The following ARHGAP10 variants were observed in gnomAD, a reference collection of about 807,000 sequenced individuals.
ARHGAP10 encodes Rho GTPase activating protein 10, also known as rho GTPase-activating protein 10.
A neutral mutation model predicts 108.6 loss-of-function variants in ARHGAP10; 87 were observed. The ratio of observed to expected loss-of-function variants is 0.80; its 90% CI spans 0.67 to 0.96. ARHGAP10 has a LOEUF of 0.96. Ranked by LOEUF, ARHGAP10 falls within the 40% of genes least tolerant of loss-of-function variation. ARHGAP10 has a pLI of 0.00. For missense variants in ARHGAP10, 939 were observed against 954.5 expected (o/e 0.98, Z 0.21); for synonymous variants, 347 against 341.1 (o/e 1.02, Z -0.19).
intron 14 of ARHGAP10, among the ~76,000 whole-genome samples, chr4:147,941,645 C>G (rs1370260022): frequency 1.3e-5 from 2 of 152,212 alleles, no homozygotes; most frequent in African/African-American, 2.4e-5. Context: ...GACTTGTTAC[C>G]TCCTCATTAA....
intron 10 of ARHGAP10, among the ~76,000 whole-genome samples, chr4:147,882,992 G>T (rs1042612538): frequency 3.3e-5 from 5 of 152,282 alleles, no homozygotes; most frequent in East Asian, 3.9e-4. Flanking sequence ...AAAAGTTCAG[G>T]TCAGAACCCA....
At chr4:147,794,463 C>T (rs571248394) in intron 1 of ARHGAP10, among the ~76,000 whole-genome samples, 1 of 152,090 alleles carries the variant, frequency 6.6e-6, no homozygotes, top group Non-Finnish European at 1.5e-5. Context: ...GAGTATACAA[C>T]TGGTTAGGTT....
intron 22 of ARHGAP10, 82 bp from the exon 23 acceptor site, chr4:148,071,911 C>T (rs919794075): frequency 8.1e-7 from 1 of 1,232,850 alleles, no homozygotes; most frequent in South Asian, 1.4e-5. Context: ...CTGGCCACTC[C>T]CTGCTTGAGC....
Position 147,738,019 on chromosome 4 carries a change from GT to G in ARHGAP10, c.154+5578del, listed in dbSNP as rs1194373271. On this transcript the variant is annotated intron_variant, in intron 1 of 22. Coordinates refer to ENST00000336498, the MANE Select transcript of ARHGAP10 (RefSeq NM_024605.4). ...AGCTCCTTGTCGCTGTGTTGTTGTTGTTTTTTTTTTTTTTGAGGGGACTAGG... is the reference window on the plus strand; with the variant it reads ...AGCTCCTTGTCGCTGTGTTGTTGTTGTTTTTTTTTTTTTGAGGGGACTAGG... Among the ~76,000 whole-genome samples, 1,144 of 135,758 alleles carry G rather than the reference GT, an allele frequency of 8.4e-3. 12 individuals carry two copies. The highest frequency in any genetic ancestry group is 0.025 in the African/African-American group (940 of 37,322). 89.1% of individuals were successfully genotyped at this position (135,758 alleles called of 152,430 possible).
intron 17 of ARHGAP10, among the ~76,000 whole-genome samples, chr4:147,965,371 T>C (rs1412445908): frequency 6.6e-6 from 1 of 152,228 alleles, no homozygotes; most frequent in East Asian, 1.9e-4. Context: ...GAGAATATTA[T>C]ACATTACCCT....
At chr4:147,890,105 A>G (rs1735738167) in intron 10 of ARHGAP10, among the ~76,000 whole-genome samples, 1 of 152,198 alleles carries the variant, frequency 6.6e-6, no homozygotes. Flanking sequence ...TTGCTCACAG[A>G]CCATTGGCTG....
intron 5 of ARHGAP10, among the ~76,000 whole-genome samples, chr4:147,859,977 T>C (rs1734248439): frequency 6.6e-6 from 1 of 152,228 alleles, no homozygotes; most frequent in East Asian, 1.9e-4. Flanking sequence ...GGATGCTTTT[T>C]AAAGGGGAAA....
intron 19 of ARHGAP10, among the ~76,000 whole-genome samples, chr4:148,040,622 A>T (rs183266943): frequency 6.6e-6 from 1 of 152,120 alleles, no homozygotes; most frequent in Admixed American, 6.5e-5. Context: ...GATTACAGAC[A>T]TGAGCTGCAG....
At chr4:147,894,214 A>G (rs1166004602) in intron 10 of ARHGAP10, among the ~76,000 whole-genome samples, 1 of 152,190 alleles carries the variant, frequency 6.6e-6, no homozygotes, top group East Asian at 1.9e-4. Context: ...AAGTAATTTT[A>G]CCCTCCCATC....
At chr4:147,874,246 T>G (rs1293054912) in intron 7 of ARHGAP10, among the ~76,000 whole-genome samples, 1 of 152,224 alleles carries the variant, frequency 6.6e-6, no homozygotes, top group East Asian at 1.9e-4. Flanking sequence ...TTTTTGGTAT[T>G]AATACAATTA....
At chr4:147,763,927 G>A (rs1287194379) in intron 1 of ARHGAP10, among the ~76,000 whole-genome samples, 3 of 151,886 alleles carry the variant, frequency 2.0e-5, no homozygotes, top group African/African-American at 4.8e-5. Flanking sequence ...GCTAATTTCT[G>A]TATTTTGAGT....
At chr4:147,875,248 A>G (rs1735011082) in intron 8 of ARHGAP10, 98 bp downstream of exon 8, 1 of 1,306,138 alleles carries the variant, frequency 7.7e-7, no homozygotes, top group Admixed American at 3.1e-5. Context: ...TTGGGCAATT[A>G]TTCCTACCTC....
In ARHGAP10 at chr4:147,966,749, G is replaced by T. The variant is rs745901558; in HGVS notation, c.1626G>T (p.Leu542=). 11 of 1,607,392 alleles carry T rather than the reference G, an allele frequency of 6.8e-6. No homozygotes were observed. Among genetic ancestry groups the T allele is most frequent in the Non-Finnish European group, 9.4e-6 (11 of 1,175,340 alleles). ...ANLGVVFGPT[L]MRPQEETVAA... ...TAGGAGTGGTGTTTGGACCAACTCT[G>T]ATGAGGCCACAGGAAGAAACTGTCG... Residue 542 remains leucine (L), a synonymous_variant, in exon 18 of 23, where the codon CTG becomes CTT. Coordinates refer to ENST00000336498, the MANE Select transcript of ARHGAP10 (RefSeq NM_024605.4).
intron 17 of ARHGAP10, among the ~76,000 whole-genome samples, chr4:147,965,544 C>T (rs2306910): frequency 0.19 from 28,348 of 152,090 alleles, 4,075 homozygotes; most frequent in African/African-American, 0.41. Flanking sequence ...TTTTAAAAAC[C>T]GGCAAAATCA....
chr4:148,025,900 A>G (rs1046505284), intron 19 of ARHGAP10, among the ~76,000 whole-genome samples: 8 of 152,112 alleles, frequency 5.3e-5, no homozygotes, highest in Non-Finnish European at 1.0e-4. Flanking sequence ...ACTTTGGTTG[A>G]TTATTTTTCC....
intron 19 of ARHGAP10, among the ~76,000 whole-genome samples, chr4:148,034,685 G>A (rs923351907): frequency 6.6e-6 from 1 of 152,012 alleles, no homozygotes; most frequent in Admixed American, 6.6e-5. Context: ...AATAGGGGAG[G>A]ACAGGTGAAA....
chr4:147,828,383 C>G (rs1450923025), intron 3 of ARHGAP10, among the ~76,000 whole-genome samples: 1 of 152,222 alleles, frequency 6.6e-6, no homozygotes, highest in Non-Finnish European at 1.5e-5. Context: ...TATATAAGTT[C>G]ATACGCCTCA....
chr4:147,767,562 C>T (rs1055105513), intron 1 of ARHGAP10, among the ~76,000 whole-genome samples: 3 of 151,988 alleles, frequency 2.0e-5, no homozygotes, highest in East Asian at 1.9e-4. Flanking sequence ...TATCAAGAAT[C>T]GTCTTGAAAA....
intron 18 of ARHGAP10, among the ~76,000 whole-genome samples, chr4:147,995,054 T>A (rs1740420014): frequency 6.6e-6 from 1 of 152,220 alleles, no homozygotes; most frequent in African/African-American, 2.4e-5. Flanking sequence ...ACAGTGTAAC[T>A]TTTTTGGAAG....
Sources: gnomAD v4.1 joint callset for allele counts (sites outside exome capture counted in the v4.1 genomes callset) on GRCh38, gnomAD v4.1.1 for gene constraint, MANE v1.5 for transcripts, NCBI Gene and HGNC (gene_info 2026-07-23, HGNC 2026-07-21) for gene names.